The following EPB41L4B variants were observed in gnomAD, a reference collection of about 807,000 sequenced individuals.
EPB41L4B encodes the protein band 4.1-like protein 4B.
Under a neutral mutation model 112.5 loss-of-function variants are expected in EPB41L4B, and 30 were observed. The observed-to-expected ratio is 0.27, with a 90% CI of 0.20 to 0.36. The LOEUF (loss-of-function observed/expected upper bound fraction) is 0.36, where lower values mean the gene tolerates loss of function less well. EPB41L4B is among the 10% of genes least tolerant of loss of function. The pLI is 1.00. For synonymous variants in EPB41L4B, 408 were observed against 439.7 expected, an observed-to-expected ratio of 0.93 and a Z score of 0.90; for missense variants, 1,024 against 1,133.3, an observed-to-expected ratio of 0.90 and a Z score of 1.38.
intron 1 of EPB41L4B, among the ~76,000 whole-genome samples, chr9:109,291,015 T>C (rs1048611410): frequency 1.1e-4 from 17 of 152,210 alleles, no homozygotes; most frequent in African/African-American, 4.1e-4. Flanking sequence ...CATGGTCTAC[T>C]GGACTTATGG....
chr9:109,189,650 C>T (rs1035546176), intron 22 of EPB41L4B, among the ~76,000 whole-genome samples: 1 of 151,988 alleles, frequency 6.6e-6, no homozygotes, highest in Admixed American at 6.6e-5. Flanking sequence ...TTTTTGGAGA[C>T]GGAGTTTCAC....
chr9:109,204,023 T>C (rs1027400508), intron 18 of EPB41L4B, among the ~76,000 whole-genome samples: 6 of 152,190 alleles, frequency 3.9e-5, no homozygotes, highest in African/African-American at 4.8e-5. Context: ...AAAGGGATAG[T>C]GTGGGAAAAG....
At chr9:109,268,155 C>CAAT (rs1835474008) in intron 3 of EPB41L4B, among the ~76,000 whole-genome samples, 1 of 152,150 alleles carries the variant, frequency 6.6e-6, no homozygotes, top group Non-Finnish European at 1.5e-5. Context: ...TTGGCAGAGG[C>CAAT]GTCTGATTTC....
rs1023224718 is a variant in EPB41L4B at position 109,224,734 on chromosome 9, A to G, written c.1410-7589T>C. Among the ~76,000 whole-genome samples the G allele has an allele frequency of 2.6e-5, 4 of 152,250 alleles. 1 individual carries two copies. The highest frequency in any genetic ancestry group is 2.0e-4 in the Admixed American group (3 of 15,284). On this transcript the variant is annotated intron_variant, in intron 15 of 25. Coordinates refer to ENST00000374566, the MANE Select transcript of EPB41L4B (RefSeq NM_019114.5). Reference sequence around the variant, plus strand: ...ATCACAAGAAGAGGTTTTGAAAAGTATCAATGCCCAGGCCCTTCCCCAGAC... The same window carrying G: ...ATCACAAGAAGAGGTTTTGAAAAGTGTCAATGCCCAGGCCCTTCCCCAGAC...
At chr9:109,267,745 C>T (rs1835460858) in intron 3 of EPB41L4B, among the ~76,000 whole-genome samples, 194 bp from the exon 4 acceptor site, 1 of 152,162 alleles carries the variant, frequency 6.6e-6, no homozygotes, top group African/African-American at 2.4e-5. Context: ...TTTGTGCTGA[C>T]TAAGATAGTT....
chr9:109,279,678 A>G (rs1326794617), intron 2 of EPB41L4B, 139 bp downstream of exon 2: 2 of 713,474 alleles, frequency 2.8e-6, no homozygotes, highest in African/African-American at 1.8e-5. Context: ...GGGCACCACA[A>G]CCTCCATCCC....
intron 17 of EPB41L4B, among the ~76,000 whole-genome samples, chr9:109,212,202 T>TGG (rs1234437725): frequency 1.3e-5 from 2 of 152,226 alleles, no homozygotes; most frequent in African/African-American, 4.8e-5. Flanking sequence ...CTACACTATA[T>TGG]GCTGTATTTC....
At chr9:109,205,749 T>C (rs1033343552) in intron 18 of EPB41L4B, among the ~76,000 whole-genome samples, 4 of 152,184 alleles carry the variant, frequency 2.6e-5, no homozygotes, top group Admixed American at 6.6e-5. Flanking sequence ...TTGCACCAGG[T>C]ACTCTGCATA....
intron 23 of EPB41L4B, 68 bp downstream of exon 23, chr9:109,185,421 C>A: frequency 7.1e-7 from 1 of 1,402,788 alleles, no homozygotes; most frequent in Non-Finnish European, 1.0e-6. Flanking sequence ...CAGGCTTCCA[C>A]CTCGCCTGGT....
chr9:109,305,347 G>C (rs1017073876), intron 1 of EPB41L4B, among the ~76,000 whole-genome samples: 2 of 152,230 alleles, frequency 1.3e-5, no homozygotes, highest in African/African-American at 4.8e-5. Flanking sequence ...GGCCGGATGA[G>C]GTGGCCCAGG....
intron 15 of EPB41L4B, among the ~76,000 whole-genome samples, chr9:109,234,174 G>C (rs185316352): frequency 6.6e-5 from 10 of 152,114 alleles, no homozygotes; most frequent in African/African-American, 9.6e-5. Context: ...ATAATTGCTG[G>C]GGGTGTCTGT....
chr9:109,271,234 T>A (rs1251384832), intron 2 of EPB41L4B, among the ~76,000 whole-genome samples: 2 of 152,232 alleles, frequency 1.3e-5, no homozygotes, highest in African/African-American at 2.4e-5. Context: ...CATTGTGGGC[T>A]GGGCTCCATC....
intron 4 of EPB41L4B, among the ~76,000 whole-genome samples, chr9:109,266,506 A>G (rs993497066): frequency 2.6e-5 from 4 of 152,142 alleles, no homozygotes; most frequent in Non-Finnish European, 5.9e-5. Flanking sequence ...TCACACAAAC[A>G]ACGACAAGGA....
chr9:109,312,640 C>T (rs1157606198), intron 1 of EPB41L4B, among the ~76,000 whole-genome samples: 4 of 152,168 alleles, frequency 2.6e-5, no homozygotes, highest in Non-Finnish European at 5.9e-5. Context: ...ATTCTTTCCT[C>T]TACAAATCAG....
At chr9:109,232,300 G>A (rs1196503731) in intron 15 of EPB41L4B, among the ~76,000 whole-genome samples, 1 of 150,950 alleles carries the variant, frequency 6.6e-6, no homozygotes, top group Non-Finnish European at 1.5e-5. Context: ...TCACTTCTGG[G>A]TTTCTTACAG....
At chr9:109,226,796 GAATA>G in intron 15 of EPB41L4B, among the ~76,000 whole-genome samples, 1 of 145,066 alleles carries the variant, frequency 6.9e-6, no homozygotes, top group South Asian at 2.2e-4. Context: ...TATATATGAA[GAATA>G]TATATATGAA....
At chr9:109,217,320 A>G (rs1833411806) in intron 15 of EPB41L4B, among the ~76,000 whole-genome samples, 175 bp from the exon 16 acceptor site, 2 of 152,240 alleles carry the variant, frequency 1.3e-5, no homozygotes, top group Admixed American at 1.3e-4. Context: ...AAAAAGAGCA[A>G]AGTGGAAGTT....
At chr9:109,284,376 G>C (rs1454952524) in intron 1 of EPB41L4B, among the ~76,000 whole-genome samples, 1 of 152,176 alleles carries the variant, frequency 6.6e-6, no homozygotes, top group African/African-American at 2.4e-5. Context: ...ATCTATATTA[G>C]GATGAAGCAT....
At chr9:109,262,618 G>A (rs1441602634) in intron 6 of EPB41L4B, among the ~76,000 whole-genome samples, 4 of 152,060 alleles carry the variant, frequency 2.6e-5, no homozygotes, top group African/African-American at 9.7e-5. Context: ...TGCATATCCG[G>A]CCAGGCCTGC....
Sources: allele counts gnomAD v4.1 joint callset (sites outside exome capture counted in the v4.1 genomes callset), GRCh38; gene constraint gnomAD v4.1.1; transcripts MANE v1.5; gene names NCBI Gene and HGNC (gene_info 2026-07-23, HGNC 2026-07-21).